Variants in TMEM87A observed in about 807,000 individuals in gnomAD.
TMEM87A encodes Golgi-pH regulating cation channel.
Under a neutral mutation model 90.0 loss-of-function variants are expected in TMEM87A, and 50 were observed. The ratio of observed to expected loss-of-function variants is 0.56; its 90% CI spans 0.44 to 0.70. TMEM87A has a LOEUF of 0.70. Among genes scored for constraint, TMEM87A ranks in the 30% least tolerant of loss-of-function variants. The pLI is 0.00. For missense variants in TMEM87A, 577 were observed against 660.5 expected, an observed-to-expected ratio of 0.87 and a Z score of 1.39; for synonymous variants, 226 against 226.7, an observed-to-expected ratio of 1.00 and a Z score of 0.03.
intron 7 of TMEM87A, 112 bp downstream of exon 7, chr15:42,243,938 T>C (rs1002863244): frequency 1.6e-5 from 9 of 569,934 alleles, no homozygotes; most frequent in African/African-American, 1.6e-4. Context: ...GAGTGTCAAA[T>C]GAAGGAAATA....
chr15:42,227,796 G>C (rs1409487836), intron 13 of TMEM87A, 27 bp from the exon 14 acceptor site: 3 of 1,606,504 alleles, frequency 1.9e-6, no homozygotes, highest in Non-Finnish European at 2.6e-6. Context: ...AACCAGGTCA[G>C]AGTATGAATG....
At chr15:42,221,253 AGAAAG>A (rs1418085650) in intron 15 of TMEM87A, among the ~76,000 whole-genome samples, 1 of 142,534 alleles carries the variant, frequency 7.0e-6, no homozygotes, top group Non-Finnish European at 1.5e-5. Context: ...CGTCAAGAAA[AGAAAG>A]GAGAGACAGA....
chr15:42,249,437 C>A (rs978496460), intron 6 of TMEM87A, among the ~76,000 whole-genome samples: 2 of 152,224 alleles, frequency 1.3e-5, no homozygotes, highest in African/African-American at 4.8e-5. Flanking sequence ...AAATTTCCCT[C>A]TACACACTGC....
intron 10 of TMEM87A, among the ~76,000 whole-genome samples, chr15:42,234,529 A>T (rs2050740424): frequency 6.6e-6 from 1 of 152,234 alleles, no homozygotes. Flanking sequence ...AAGTTTTAAG[A>T]ATTAAAATTC....
At chr15:42,256,057 G>C (rs374546885) in intron 6 of TMEM87A, among the ~76,000 whole-genome samples, 5 of 151,738 alleles carry the variant, frequency 3.3e-5, no homozygotes, top group African/African-American at 1.2e-4. Context: ...TGGGATCACA[G>C]GTGTGAGCCA....
intron 7 of TMEM87A, among the ~76,000 whole-genome samples, chr15:42,243,676 C>T (rs2050916530): frequency 6.6e-6 from 1 of 151,902 alleles, no homozygotes; most frequent in Admixed American, 6.6e-5. Flanking sequence ...TGTGCCACCA[C>T]ACCGAGCTAA....
intron 1 of TMEM87A, 45 bp from the exon 2 acceptor site, chr15:42,272,168 T>TG: frequency 2.9e-6 from 4 of 1,401,232 alleles, no homozygotes; most frequent in Non-Finnish European, 4.0e-6. Flanking sequence ...TGGCTTCAAT[T>TG]ACCAAAGCAT....
chr15:42,235,977 C>T (rs1215708697), intron 10 of TMEM87A, among the ~76,000 whole-genome samples: 1 of 151,704 alleles, frequency 6.6e-6, no homozygotes. Flanking sequence ...CAGACAGTTA[C>T]AGCAAGAATG....
chr15:42,220,023 A>G (rs1448278020), intron 16 of TMEM87A, 39 bp downstream of exon 16: 1 of 1,498,194 alleles, frequency 6.7e-7, no homozygotes, highest in South Asian at 1.2e-5. Flanking sequence ...CAGAAAAATA[A>G]TATTTAAAGT....
chr15:42,254,926 T>A (rs1386515580), intron 6 of TMEM87A, among the ~76,000 whole-genome samples: 3 of 151,498 alleles, frequency 2.0e-5, no homozygotes, highest in Non-Finnish European at 4.4e-5. Flanking sequence ...TGGGGGAGGC[T>A]AAGTGTATAG....
At chr15:42,226,687 C>G in intron 15 of TMEM87A, 119 bp downstream of exon 15, 2 of 826,946 alleles carry the variant, frequency 2.4e-6, no homozygotes, top group South Asian at 3.4e-5. Context: ...TCTTCTGATT[C>G]CAGGCCCAGT....
chr15:42,273,188 C>T (rs2051588379), intron 1 of TMEM87A, 67 bp downstream of exon 1: 3 of 1,594,680 alleles, frequency 1.9e-6, no homozygotes, highest in African/African-American at 2.7e-5. Context: ...CTTCATGGAC[C>T]CCTTGGGCCG....
At chr15:42,215,051 T>C (rs2050358004) in intron 19 of TMEM87A, among the ~76,000 whole-genome samples, 1 of 152,260 alleles carries the variant, frequency 6.6e-6, no homozygotes, top group African/African-American at 2.4e-5. Flanking sequence ...AGATGTTATA[T>C]AGCCTACTAC....
In TMEM87A at chr15:42,251,821, T is replaced by C. The variant is rs545141018; in HGVS notation, c.505-7654A>G. Among the ~76,000 whole-genome samples, 386 of 152,362 alleles carry C rather than the reference T, an allele frequency of 2.5e-3. 3 individuals are homozygous for C. Among genetic ancestry groups the C allele is most frequent in the Non-Finnish European group, 4.6e-3 (311 of 68,028 alleles). ...CGTTTTAGTCTTCAGAAGTTTCTGC[T>C]GCCTTTTGTTCAGCTATGCCCTGCC... On this transcript the variant is annotated intron_variant, in intron 6 of 19. Coordinates refer to ENST00000389834, the MANE Select transcript of TMEM87A (RefSeq NM_015497.5).
rs547968165 is a variant in TMEM87A at position 42,272,167 on chromosome 15, T to C, written c.145-44A>G. On this transcript the variant is annotated intron_variant, in intron 1 of 19. Transcript: ENST00000389834. ...GATAATTAGCCTCAGATGGCTTCAA[T>C]TACCAAAGCATCATATAACTATCTA... 133 of 1,433,046 alleles carry C rather than the reference T, an allele frequency of 9.3e-5. 1 individual carries two copies. Among genetic ancestry groups the C allele is most frequent in the Non-Finnish European group, 1.2e-4 (127 of 1,031,084 alleles). The allele number at this position is 1,433,046 out of a possible 1,614,324, so 88.8% of individuals were successfully genotyped here.
chr15:42,261,561 T>G (rs2051292585), intron 4 of TMEM87A, among the ~76,000 whole-genome samples: 2 of 152,032 alleles, frequency 1.3e-5, no homozygotes, highest in African/African-American at 4.8e-5. Context: ...TCATTTCCCC[T>G]CATTCTACAG....
rs2050517146 is a variant in TMEM87A at position 42,222,784 on chromosome 15, T to G, written c.1404-2649A>C. Among the ~76,000 whole-genome samples the G allele has an allele frequency of 2.0e-5, 3 of 152,078 alleles. No individual in the cohort carries two copies. The South Asian group carries it at 6.2e-4, about 32-fold the overall frequency. ...CATGTTGGTCCGGCTGGTCTCGAAC[T>G]CCTGACCTCAGGTTGTCCACCCGCC... is the stretch of plus-strand genomic sequence containing the variant. On this transcript the variant is annotated intron_variant, in intron 15 of 19. Transcript: ENST00000389834.
intron 9 of TMEM87A, among the ~76,000 whole-genome samples, chr15:42,237,203 GTCA>G (rs2050785266): frequency 6.6e-6 from 1 of 152,064 alleles, no homozygotes; most frequent in African/African-American, 2.4e-5. Flanking sequence ...TCCCAAAATG[GTCA>G]CTACTGTTGT....
At chr15:42,221,283 G>GAGAGAGAGAC (rs1566922631) in intron 15 of TMEM87A, among the ~76,000 whole-genome samples, 2 of 151,436 alleles carry the variant, frequency 1.3e-5, no homozygotes, top group Non-Finnish European at 2.9e-5. Flanking sequence ...GAGAGAGAGA[G>GAGAGAGAGAC]AGAGAGAGAG....
Sources: allele counts gnomAD v4.1 joint callset (sites outside exome capture counted in the v4.1 genomes callset), GRCh38; gene constraint gnomAD v4.1.1; transcripts MANE v1.5; gene names NCBI Gene and HGNC (gene_info 2026-07-23, HGNC 2026-07-21).